ABHD2: variants seen among roughly 807,000 people sequenced by gnomAD.
The protein encoded by ABHD2 is monoacylglycerol lipase ABHD2.
ABHD2 carries 20 observed loss-of-function variants against 48.1 expected under a neutral mutation model. The observed-to-expected ratio is 0.42, with a 90% CI of 0.29 to 0.60. The LOEUF (loss-of-function observed/expected upper bound fraction) is 0.60, where lower values mean the gene tolerates loss of function less well. Among genes scored for constraint, ABHD2 ranks in the 20% least tolerant of loss-of-function variants. The pLI, the probability that ABHD2 is intolerant of heterozygous loss-of-function variation, is 0.24. For missense variants in ABHD2, 405 were observed against 550.9 expected, an observed-to-expected ratio of 0.74 and a Z score of 2.65; for synonymous variants, 209 against 214.2, an observed-to-expected ratio of 0.98 and a Z score of 0.21.
chr15:89,098,651 T>A (rs2150780995), intron 1 of ABHD2, among the ~76,000 whole-genome samples: 1 of 152,374 alleles, frequency 6.6e-6, no homozygotes, highest in South Asian at 2.1e-4. Flanking sequence ...GTCAATGATG[T>A]TGACAAATGT....
chr15:89,107,637 C>G (rs926458951), intron 1 of ABHD2, among the ~76,000 whole-genome samples: 3 of 152,046 alleles, frequency 2.0e-5, no homozygotes, highest in Admixed American at 6.5e-5. Flanking sequence ...AGATGGTGTT[C>G]AGAGGGATTA....
rs1555427303 is a variant in ABHD2, at chr15:89,118,191, C to CT, written c.194+1680dup. 2.1e-3 allele frequency among the ~76,000 whole-genome samples: 318 copies of CT among 148,922 alleles called. 5 individuals are homozygous for CT. In the East Asian group the frequency reaches 0.025, roughly 12 times the overall value. ...ATTTTGAATGTTTCTTTTTTTCTTT[C>CT]TTTTTTTTTTGAGACAGAGTCTCAC... On this transcript the variant is annotated intron_variant, in intron 3 of 10. Coordinates refer to ENST00000352732, the MANE Select transcript of ABHD2 (RefSeq NM_152924.5).
intron 1 of ABHD2, among the ~76,000 whole-genome samples, chr15:89,089,400 G>A (rs1901502368): frequency 6.6e-6 from 1 of 152,226 alleles, no homozygotes; most frequent in African/African-American, 2.4e-5. Flanking sequence ...GAATTTTGAG[G>A]TTTCAGCTCT....
At position 89,173,176 on chromosome 15, in the gene ABHD2, C is replaced by T. The variant is rs1226303695; in HGVS notation, c.539-2636C>T. Among the ~76,000 whole-genome samples, 4 of 152,216 alleles carry T rather than the reference C, an allele frequency of 2.6e-5. No homozygotes were observed. Among genetic ancestry groups the T allele is most frequent in the Non-Finnish European group, 4.4e-5 (3 of 68,048 alleles). The stretch of plus-strand genomic sequence containing the variant: ...TGATATCAGCTAATTGCTCATTGTG[C>T]TCTCAGCTGTTTGTTTGCACATCCC... On this transcript the variant is annotated intron_variant, in intron 5 of 10. Transcript: ENST00000352732. This position sits in a 1 kb window ranked among gnomAD's most constrained non-coding sequence, Gnocchi z 6.5.
chr15:89,142,385 A>G (rs574930795), intron 3 of ABHD2, among the ~76,000 whole-genome samples: 2 of 152,236 alleles, frequency 1.3e-5, no homozygotes, highest in African/African-American at 2.4e-5. Flanking sequence ...TACCTCAAAC[A>G]TCCTTGACTT....
In ABHD2 at chr15:89,177,846, T is replaced by C. The variant is rs193040138; in HGVS notation, c.722+1851T>C. Among the ~76,000 whole-genome samples, 2 of 152,174 alleles carry C rather than the reference T, an allele frequency of 1.3e-5. No homozygotes were observed. Among genetic ancestry groups the C allele is most frequent in the East Asian group, 3.9e-4 (2 of 5,168 alleles). On this transcript the variant is annotated intron_variant, in intron 6 of 10. Coordinates refer to ENST00000352732, the MANE Select transcript of ABHD2 (RefSeq NM_152924.5). The surrounding 1 kb of genome is among the most constrained non-coding windows in gnomAD (Gnocchi z 5.6). ...GATCCAAGGGAGCAGAACTAGGACG[T>C]TTGTTTTGTTTTCTTTTTTTTCAAT...
At chr15:89,190,680 A>G (rs922435738) in intron 8 of ABHD2, among the ~76,000 whole-genome samples, 6 of 152,202 alleles carry the variant, frequency 3.9e-5, no homozygotes, top group African/African-American at 1.4e-4. Context: ...TGATGCTAGT[A>G]AGCACTTGAA....
intron 3 of ABHD2, chr15:89,135,704 TCTTA>T (rs1278144392): frequency 4.2e-6 from 6 of 1,426,964 alleles, no homozygotes; most frequent in Non-Finnish European, 5.9e-6. Context: ...AATATCCTTT[TCTTA>T]CTTTTCCTTC....
chr15:89,093,969 TG>T (rs1329811087), intron 1 of ABHD2: 1 of 152,290 alleles, frequency 6.6e-6, no homozygotes, highest in African/African-American at 2.4e-5. Flanking sequence ...ACCTTCGTCT[TG>T]CTTTTATTTA....
chr15:89,181,384 T>G (rs1396695942), intron 6 of ABHD2, among the ~76,000 whole-genome samples: 2 of 152,166 alleles, frequency 1.3e-5, no homozygotes, highest in Non-Finnish European at 2.9e-5. Context: ...GATAGCATTA[T>G]GGGAAAGTAC....
intron 3 of ABHD2, among the ~76,000 whole-genome samples, chr15:89,125,491 A>G (rs991190357): frequency 6.6e-6 from 1 of 152,204 alleles, no homozygotes; most frequent in African/African-American, 2.4e-5. Context: ...CTTTTAGGCA[A>G]TTTCATCTTA....
intron 3 of ABHD2, among the ~76,000 whole-genome samples, chr15:89,140,845 C>A (rs2050391031): frequency 6.6e-6 from 1 of 152,208 alleles, no homozygotes; most frequent in African/African-American, 2.4e-5. Flanking sequence ...GCCATCTGTG[C>A]TTATCCACAG....
chr15:89,191,234 T>G (rs1217950928), intron 9 of ABHD2, 85 bp downstream of exon 9: 2 of 1,402,044 alleles, frequency 1.4e-6, no homozygotes, highest in East Asian at 4.6e-5. Context: ...TGAATTTTCC[T>G]GGTGGAAGCT....
intron 3 of ABHD2, chr15:89,136,288 G>T (rs2050311518): frequency 4.6e-6 from 2 of 431,936 alleles, no homozygotes; most frequent in East Asian, 5.9e-5. Context: ...TCTTTCGTAT[G>T]GGCCCTGTCT....
Position 89,174,456 on chromosome 15 carries a change from C to T in ABHD2, c.539-1356C>T, listed in dbSNP as rs1327109395. 6.6e-6 allele frequency among the ~76,000 whole-genome samples: 1 copy of T among 152,208 alleles called. No individual in the cohort carries two copies. The highest frequency in any genetic ancestry group is 1.5e-5 in the Non-Finnish European group (1 of 68,036). On this transcript the variant is annotated intron_variant, in intron 5 of 10. Coordinates refer to ENST00000352732, the MANE Select transcript of ABHD2 (RefSeq NM_152924.5). The surrounding 1 kb of genome is among the most constrained non-coding windows in gnomAD (Gnocchi z 4.1). ...AACACCCTCTCCAGGTGATTCTATG[C>T]ACACTGCAGCTTAAGAACTGCATGG...
chr15:89,107,658 C>T (rs2049808122), intron 1 of ABHD2, among the ~76,000 whole-genome samples: 1 of 152,092 alleles, frequency 6.6e-6, no homozygotes, highest in Non-Finnish European at 1.5e-5. Flanking sequence ...AGGAACTTGC[C>T]CCAGGACAAA....
chr15:89,105,578 T>C (rs2049771372), intron 1 of ABHD2, among the ~76,000 whole-genome samples: 1 of 152,274 alleles, frequency 6.6e-6, no homozygotes, highest in South Asian at 2.1e-4. Context: ...TTTAATTATC[T>C]GTCAATCCCT....
the ABHD2 span, among the ~76,000 whole-genome samples, chr15:89,066,330 GT>G: frequency 6.6e-6 from 1 of 152,218 alleles, no homozygotes; most frequent in Non-Finnish European, 1.5e-5. Flanking sequence ...AGTGGTATTG[GT>G]TTGTAGATGC....
intron 1 of ABHD2, among the ~76,000 whole-genome samples, chr15:89,095,033 C>T (rs997389990): frequency 7.3e-5 from 10 of 137,708 alleles, no homozygotes; most frequent in Non-Finnish European, 1.5e-4. Flanking sequence ...TACTGTACTC[C>T]AGCCTGGGTG....
Sources: allele counts gnomAD v4.1 joint callset (sites outside exome capture counted in the v4.1 genomes callset), GRCh38; gene constraint gnomAD v4.1.1; non-coding constraint Gnocchi (gnomAD v3.1); transcripts MANE v1.5; gene names NCBI Gene and HGNC (gene_info 2026-07-23, HGNC 2026-07-21).